RALGAPA1: variants seen among roughly 807,000 people sequenced by gnomAD.
RALGAPA1 encodes the protein ral GTPase-activating protein subunit alpha-1.
In RALGAPA1, 52 loss-of-function variants were observed where a neutral mutation model predicts 269.6. The observed-to-expected ratio is 0.19, with a 90% CI of 0.15 to 0.24. The LOEUF is 0.24. Ranked by LOEUF, RALGAPA1 falls within the 10% of genes least tolerant of loss-of-function variation. RALGAPA1 has a pLI of 1.00. For missense variants in RALGAPA1, 1,917 were observed against 3,013.9 expected, an observed-to-expected ratio of 0.64 and a Z score of 8.52; for synonymous variants, 817 against 1,008.3, an observed-to-expected ratio of 0.81 and a Z score of 3.60.
chr14:35,798,248 T>C (rs2076721506), intron 1 of RALGAPA1, among the ~76,000 whole-genome samples: 1 of 151,700 alleles, frequency 6.6e-6, no homozygotes, highest in Non-Finnish European at 1.5e-5. Flanking sequence ...CACGGCTGAC[T>C]GTAGGCAGCC....
chr14:35,791,387 T>C (rs1473570932), intron 1 of RALGAPA1, among the ~76,000 whole-genome samples: 1 of 152,122 alleles, frequency 6.6e-6, no homozygotes, highest in African/African-American at 2.4e-5. Flanking sequence ...GTGGATCACC[T>C]TAATTCAGAA....
chr14:35,743,246 T>C (rs541647042), intron 10 of RALGAPA1, among the ~76,000 whole-genome samples: 11 of 152,254 alleles, frequency 7.2e-5, no homozygotes, highest in African/African-American at 2.6e-4. Flanking sequence ...TATCGTATTA[T>C]AAAATGTGAG....
chr14:35,646,954 A>G (rs922845132), intron 31 of RALGAPA1, among the ~76,000 whole-genome samples: 26 of 152,326 alleles, frequency 1.7e-4, no homozygotes, highest in African/African-American at 6.3e-4. Flanking sequence ...ATGTTAAAAG[A>G]AAACAATTCC....
At position 35,572,595 on chromosome 14, in the gene RALGAPA1, G is replaced by C; in HGVS notation, c.7333C>G (p.His2445Asp). Reference sequence around the variant, plus strand: ...TTCATTATCTGAATACTGAACATGTGATTTTTCATTGGATATATTACAATA... The same window carrying C: ...TTCATTATCTGAATACTGAACATGTCATTTTTCATTGGATATATTACAATA... ...VLIVIYPMKNHMFSIQIMKKP... is the reference protein window; with the variant it reads ...VLIVIYPMKNDMFSIQIMKKP... Residue 2445 changes from histidine to aspartate, a missense_variant, in exon 38 of 42, where the codon CAC becomes GAC. Transcript: ENST00000680220. 1 of 1,604,028 alleles carries C rather than the reference G, an allele frequency of 6.2e-7. No individual in the cohort carries two copies. The highest frequency in any genetic ancestry group is 1.1e-5 in the South Asian group (1 of 88,808).
intron 27 of RALGAPA1, among the ~76,000 whole-genome samples, chr14:35,660,802 C>A (rs1432124743): frequency 1.3e-5 from 2 of 152,034 alleles, no homozygotes; most frequent in Non-Finnish European, 2.9e-5. Context: ...AGAAGGAAAT[C>A]TTGTCATTTG....
chr14:35,570,465 A>C, intron 39 of RALGAPA1, 152 bp downstream of exon 39: 101 of 557,096 alleles, frequency 1.8e-4, no homozygotes, highest in East Asian at 3.0e-4. Context: ...GTTTGAGACA[A>C]TCCCGGGAAA....
At position 35,808,818 on chromosome 14, in the gene RALGAPA1, C is replaced by A; in HGVS notation, c.18G>T (p.Pro6=). Reference sequence around the variant, plus strand: ...GGGTGGACTTCTTCACGTCCCCGTGCGGCTTCTTGGAGAACATCCTGTCGC... The same window carrying A: ...GGGTGGACTTCTTCACGTCCCCGTGAGGCTTCTTGGAGAACATCCTGTCGC... The part of the protein sequence containing the change: MFSKK[P]HGDVKKSTQK... The change falls in exon 1 of 42, where the codon CCG becomes CCT. Residue 6 remains proline, a synonymous_variant. Coordinates refer to ENST00000680220, the MANE Select transcript of RALGAPA1 (RefSeq NM_001346249.2). 2 of 1,610,830 alleles carry A rather than the reference C, an allele frequency of 1.2e-6. No individual in the cohort carries two copies. Among genetic ancestry groups the A allele is most frequent in the African/African-American group, 1.3e-5 (1 of 74,986 alleles).
At position 35,671,479 on chromosome 14, in the gene RALGAPA1, T is replaced by C. The variant is rs373537999; in HGVS notation, c.5112A>G (p.Gln1704=). 1.9e-5 allele frequency: 31 copies of C among 1,594,374 alleles called. No individual in the cohort carries two copies. Among genetic ancestry groups the C allele is most frequent in the East Asian group, 9.0e-5 (4 of 44,688 alleles). Residue 1704 remains glutamine, a synonymous_variant, in exon 26 of 42, where the codon CAA becomes CAG. Coordinates refer to ENST00000680220, the MANE Select transcript of RALGAPA1 (RefSeq NM_001346249.2). The part of the protein sequence containing the change: ...VNTIIKHCSP[Q]FFSLGLPGAT... ...CACCAGGCAAACCAAGTGAAAAAAATTGAGGTGAGCAGTGTTTGATGATTG... is the reference window on the plus strand; with the variant it reads ...CACCAGGCAAACCAAGTGAAAAAAACTGAGGTGAGCAGTGTTTGATGATTG...
intron 26 of RALGAPA1, among the ~76,000 whole-genome samples, chr14:35,665,585 G>C (rs2063862899): frequency 6.6e-6 from 1 of 152,030 alleles, no homozygotes; most frequent in South Asian, 2.1e-4. Context: ...TACTGTAATA[G>C]AGGCAATGGT....
At chr14:35,718,581 C>T (rs541042064) in intron 16 of RALGAPA1, among the ~76,000 whole-genome samples, 1 of 152,110 alleles carries the variant, frequency 6.6e-6, no homozygotes, top group Non-Finnish European at 1.5e-5. Context: ...TTTGGGAGGC[C>T]GAGGTGGGCG....
intron 36 of RALGAPA1, among the ~76,000 whole-genome samples, chr14:35,600,150 G>A (rs183796905): frequency 9.9e-6 from 1 of 100,766 alleles, no homozygotes; most frequent in African/African-American, 3.6e-5. Flanking sequence ...TTTTTTTTTT[G>A]TTAATGTCCC....
At chr14:35,726,890 T>G (rs998741935) in intron 13 of RALGAPA1, among the ~76,000 whole-genome samples, 2 of 152,178 alleles carry the variant, frequency 1.3e-5, no homozygotes, top group African/African-American at 2.4e-5. Context: ...GCTTAACAGC[T>G]GTGTGAACAA....
intron 41 of RALGAPA1, among the ~76,000 whole-genome samples, chr14:35,543,576 A>T (rs1031444635): frequency 6.6e-6 from 1 of 152,238 alleles, no homozygotes; most frequent in Non-Finnish European, 1.5e-5. Context: ...AAAGGAGTTG[A>T]TAAGTTATTA....
intron 1 of RALGAPA1, among the ~76,000 whole-genome samples, chr14:35,795,427 C>A (rs1167878170): frequency 6.6e-6 from 1 of 152,022 alleles, no homozygotes; most frequent in East Asian, 1.9e-4. Context: ...GAAGAAAGAA[C>A]CATGCTGAAG....
intron 1 of RALGAPA1, among the ~76,000 whole-genome samples, chr14:35,783,634 C>A (rs4981305): frequency 6.6e-6 from 1 of 151,946 alleles, no homozygotes; most frequent in African/African-American, 2.4e-5. Flanking sequence ...AGAAAATAAC[C>A]TACAGAATGC....
chr14:35,723,003 A>C (rs1170339824), intron 15 of RALGAPA1, 24 bp downstream of exon 15: 1 of 1,450,648 alleles, frequency 6.9e-7, no homozygotes, highest in African/African-American at 1.4e-5. Flanking sequence ...ATTTATATAG[A>C]GCATCTCTAT....
chr14:35,632,396 T>A (rs538193944), intron 33 of RALGAPA1, among the ~76,000 whole-genome samples: 1 of 152,278 alleles, frequency 6.6e-6, no homozygotes, highest in South Asian at 2.1e-4. Flanking sequence ...CTTCAGATTG[T>A]CAGATTAAAC....
chr14:35,776,373 C>A (rs912395828), intron 1 of RALGAPA1, among the ~76,000 whole-genome samples: 1 of 148,450 alleles, frequency 6.7e-6, no homozygotes, highest in Non-Finnish European at 1.5e-5. Flanking sequence ...CAGAGTGAGA[C>A]TCCACCTTGG....
chr14:35,661,611 T>C (rs1055264245), intron 27 of RALGAPA1, among the ~76,000 whole-genome samples: 2 of 152,196 alleles, frequency 1.3e-5, no homozygotes, highest in Non-Finnish European at 2.9e-5. Context: ...GATTTGATGA[T>C]TAAGAATTTT....
Sources: allele counts gnomAD v4.1 joint callset (sites outside exome capture counted in the v4.1 genomes callset), GRCh38; gene constraint gnomAD v4.1.1; transcripts MANE v1.5; gene names NCBI Gene and HGNC (gene_info 2026-07-23, HGNC 2026-07-21).